Variants in CNTNAP2 observed in about 807,000 individuals in gnomAD.
The protein encoded by CNTNAP2 is contactin-associated protein-like 2.
Under a neutral mutation model 155.2 loss-of-function variants are expected in CNTNAP2, and 98 were observed. That is an observed-to-expected ratio of 0.63 (90% confidence interval 0.54 to 0.75). The LOEUF (loss-of-function observed/expected upper bound fraction) is 0.75, where lower values mean the gene tolerates loss of function less well. CNTNAP2 is among the 30% of genes least tolerant of loss of function. The probability of loss-of-function intolerance (pLI) is 0.00; values close to 1 mark genes in which losing one functional copy is unlikely to be tolerated. For synonymous variants in CNTNAP2, 651 were observed against 631.2 expected, an observed-to-expected ratio of 1.03 and a Z score of -0.47; for missense variants, 1,727 against 1,688.1, an observed-to-expected ratio of 1.02 and a Z score of -0.40.
In CNTNAP2 at chr7:146,515,796, T is replaced by A. The variant is rs530930063; in HGVS notation, c.98-258475T>A. Among the ~76,000 whole-genome samples the A allele has an allele frequency of 3.3e-5, 5 of 152,030 alleles. No individual in the cohort carries two copies. The South Asian group carries it at 1.0e-3, about 32-fold the overall frequency. On this transcript the variant is annotated intron_variant, in intron 1 of 23. Coordinates refer to ENST00000361727, the MANE Select transcript of CNTNAP2 (RefSeq NM_014141.6). ...AGCTGATTCCCTCCAAATCATGAGG[T>A]GTGAGGTGGGGGCAATCGTAGCTGG...
chr7:146,232,762 T>C (rs2372462), intron 1 of CNTNAP2, among the ~76,000 whole-genome samples: 26,695 of 152,028 alleles, frequency 0.18, 2,925 homozygotes, highest in East Asian at 0.3. Flanking sequence ...CTTAGGCACA[T>C]AATAAGTGAC....
chr7:147,909,063 C>T (rs191459014), intron 14 of CNTNAP2, among the ~76,000 whole-genome samples: 1 of 152,064 alleles, frequency 6.6e-6, no homozygotes, highest in Non-Finnish European at 1.5e-5. Flanking sequence ...TTGAATGGAA[C>T]CTTAGCTAAA....
chr7:147,182,143 A>AAAAG (rs1563106141), intron 8 of CNTNAP2, among the ~76,000 whole-genome samples: 2 of 150,954 alleles, frequency 1.3e-5, no homozygotes, highest in African/African-American at 4.9e-5. Flanking sequence ...AAAAAAAAAA[A>AAAAG]AAAGAAAGTA....
chr7:147,824,868 C>T (rs762689934), intron 13 of CNTNAP2, among the ~76,000 whole-genome samples: 2 of 152,142 alleles, frequency 1.3e-5, no homozygotes, highest in Middle Eastern at 3.4e-3. Flanking sequence ...AAGTGTGTCA[C>T]GTGATACCAT....
At chr7:147,330,570 A>G (rs1795541664) in intron 9 of CNTNAP2, among the ~76,000 whole-genome samples, 1 of 152,064 alleles carries the variant, frequency 6.6e-6, no homozygotes, top group Admixed American at 6.6e-5. Flanking sequence ...GTTTTCACTA[A>G]CTCTGGGTAG....
At chr7:147,144,975 A>C (rs1189135788) in intron 8 of CNTNAP2, among the ~76,000 whole-genome samples, 1 of 152,216 alleles carries the variant, frequency 6.6e-6, no homozygotes, top group Non-Finnish European at 1.5e-5. Context: ...ATTGAGTGCT[A>C]TAATGTCTCC....
chr7:146,797,410 C>T (rs1293495960), intron 2 of CNTNAP2, among the ~76,000 whole-genome samples: 1 of 152,146 alleles, frequency 6.6e-6, no homozygotes, highest in African/African-American at 2.4e-5. Flanking sequence ...GATAAATTTG[C>T]ATTTTGTCTT....
chr7:146,811,474 T>A (rs1024606059), intron 2 of CNTNAP2, among the ~76,000 whole-genome samples: 2 of 152,116 alleles, frequency 1.3e-5, no homozygotes, highest in Admixed American at 6.5e-5. Context: ...GTGGTATCGG[T>A]TGTAATGTTT....
At chr7:148,357,397 A>T (rs1390757934) in intron 21 of CNTNAP2, among the ~76,000 whole-genome samples, 2 of 152,192 alleles carry the variant, frequency 1.3e-5, no homozygotes, top group Admixed American at 1.3e-4. Flanking sequence ...TGTCTTTATT[A>T]GCAGCATGAG....
At chr7:146,864,990 TAAAAA>T (rs55646482) in intron 3 of CNTNAP2, among the ~76,000 whole-genome samples, 17 of 84,030 alleles carry the variant, frequency 2.0e-4, no homozygotes, top group Non-Finnish European at 3.4e-4. Context: ...AGAGTCTATC[TAAAAA>T]AAAAAAAAAA....
intron 8 of CNTNAP2, among the ~76,000 whole-genome samples, chr7:147,276,987 G>A (rs1000394243): frequency 3.8e-4 from 58 of 151,962 alleles, no homozygotes; most frequent in African/African-American, 1.3e-3. Flanking sequence ...AAAACCAAGT[G>A]TGCTCACCTA....
chr7:147,576,522 G>T (rs570006814), intron 12 of CNTNAP2, among the ~76,000 whole-genome samples: 214 of 151,984 alleles, frequency 1.4e-3, no homozygotes, highest in Non-Finnish European at 2.2e-3. Flanking sequence ...CCTTATACTG[G>T]GATCAGGTAA....
At chr7:148,163,209 C>T (rs1039285917) in intron 17 of CNTNAP2, among the ~76,000 whole-genome samples, 1 of 152,092 alleles carries the variant, frequency 6.6e-6, no homozygotes, top group Non-Finnish European at 1.5e-5. Flanking sequence ...AGCTATCCAG[C>T]CTGGGTGTGA....
chr7:147,887,930 G>T (rs1472356532), intron 13 of CNTNAP2, among the ~76,000 whole-genome samples: 2 of 152,206 alleles, frequency 1.3e-5, no homozygotes, highest in African/African-American at 4.8e-5. Context: ...TTGAATGGTT[G>T]GAGAAAACTC....
intron 13 of CNTNAP2, among the ~76,000 whole-genome samples, chr7:147,711,237 A>G (rs1796396558): frequency 6.6e-6 from 1 of 152,176 alleles, no homozygotes; most frequent in South Asian, 2.1e-4. Flanking sequence ...GATAATGAAT[A>G]TATTCTCCGG....
chr7:147,721,068 G>C (rs1257863300), intron 13 of CNTNAP2, among the ~76,000 whole-genome samples: 2 of 152,076 alleles, frequency 1.3e-5, no homozygotes, highest in Non-Finnish European at 2.9e-5. Context: ...GTGAGATACT[G>C]TCTGGTAAAC....
intron 14 of CNTNAP2, among the ~76,000 whole-genome samples, chr7:147,908,051 G>A (rs897470886): frequency 4.6e-5 from 7 of 151,908 alleles, no homozygotes; most frequent in African/African-American, 1.7e-4. Flanking sequence ...TTACAGGCAT[G>A]AGCCACCACA....
At chr7:146,720,938 T>TC (rs1491381567) in intron 1 of CNTNAP2, among the ~76,000 whole-genome samples, 1 of 136,816 alleles carries the variant, frequency 7.3e-6, no homozygotes, top group Non-Finnish European at 1.5e-5. Context: ...ATATATATAC[T>TC]TTCTCTATAT....
rs151119141 is a variant in CNTNAP2 at position 146,917,649 on chromosome 7, G to C, written c.402+77745G>C. 7.2e-4 allele frequency among the ~76,000 whole-genome samples: 109 copies of C among 152,244 alleles called. 1 individual carries two copies. The East Asian group carries it at 0.02, about 28-fold the overall frequency. ...CTCGCACAATTCCCACATGTTGTGG[G>C]AGGGACCCAGTTGGAGGTAATTGAA... On this transcript the variant is annotated intron_variant, in intron 3 of 23. Coordinates refer to ENST00000361727, the MANE Select transcript of CNTNAP2 (RefSeq NM_014141.6).
Sources: gnomAD v4.1 joint callset for allele counts (sites outside exome capture counted in the v4.1 genomes callset) on GRCh38, gnomAD v4.1.1 for gene constraint, MANE v1.5 for transcripts, NCBI Gene and HGNC (gene_info 2026-07-23, HGNC 2026-07-21) for gene names.